GMDS: variants seen among roughly 807,000 people sequenced by gnomAD.
GMDS encodes the protein GDP-mannose 4,6 dehydratase.
GMDS carries 20 observed loss-of-function variants against 49.9 expected under a neutral mutation model. The ratio of observed to expected loss-of-function variants is 0.40; its 90% CI spans 0.28 to 0.58. The LOEUF (loss-of-function observed/expected upper bound fraction) is 0.58, where lower values mean the gene tolerates loss of function less well. GMDS is among the 20% of genes least tolerant of loss of function. GMDS has a pLI of 0.42. For missense variants in GMDS, 362 were observed against 481.4 expected (o/e 0.75, Z 2.32); for synonymous variants, 177 against 178.6 (o/e 0.99, Z 0.07).
At chr6:2,004,210 A>T (rs1767009985) in intron 4 of GMDS, among the ~76,000 whole-genome samples, 1 of 152,240 alleles carries the variant, frequency 6.6e-6, no homozygotes, top group Non-Finnish European at 1.5e-5. Context: ...ACAATTTGAA[A>T]GTACTTATTG....
intron 4 of GMDS, among the ~76,000 whole-genome samples, chr6:1,989,022 G>A (rs937073847): frequency 2.0e-5 from 3 of 152,230 alleles, no homozygotes; most frequent in Admixed American, 2.0e-4. Flanking sequence ...GCTGCAGGGG[G>A]CATGAGCCCA....
chr6:2,022,271 G>A (rs1768323272), intron 4 of GMDS, among the ~76,000 whole-genome samples: 1 of 152,136 alleles, frequency 6.6e-6, no homozygotes, highest in South Asian at 2.1e-4. Flanking sequence ...AGGGTAGGAA[G>A]GGCAAACCTT....
At chr6:1,753,219 A>G (rs1321765265) in intron 7 of GMDS, among the ~76,000 whole-genome samples, 2 of 151,834 alleles carry the variant, frequency 1.3e-5, no homozygotes, top group Non-Finnish European at 2.9e-5. Flanking sequence ...AGCAAAAAAG[A>G]AAAAAAAGCA....
intron 4 of GMDS, among the ~76,000 whole-genome samples, chr6:1,987,058 A>G (rs1247670582): frequency 6.6e-6 from 1 of 152,188 alleles, no homozygotes; most frequent in Non-Finnish European, 1.5e-5. Context: ...GTGATGAGTG[A>G]CATGGTAGTG....
At chr6:1,932,898 C>T (rs1403488311) in intron 6 of GMDS, among the ~76,000 whole-genome samples, 2 of 152,166 alleles carry the variant, frequency 1.3e-5, no homozygotes, top group South Asian at 2.1e-4. Context: ...ACATAGCATA[C>T]AATTCATTCA....
chr6:1,638,342 C>A (rs965665801), intron 9 of GMDS, among the ~76,000 whole-genome samples: 1 of 152,110 alleles, frequency 6.6e-6, no homozygotes, highest in Non-Finnish European at 1.5e-5. Flanking sequence ...CAGAGGGAAC[C>A]CTGGCTGAAG....
intron 4 of GMDS, among the ~76,000 whole-genome samples, chr6:2,101,963 C>G (rs1773950132): frequency 6.6e-6 from 1 of 152,068 alleles, no homozygotes; most frequent in Admixed American, 6.5e-5. Flanking sequence ...ACAGTGTGCG[C>G]TCTAGTTTAT....
At chr6:1,902,382 TG>T (rs1234365245) in intron 7 of GMDS, among the ~76,000 whole-genome samples, 8 of 152,318 alleles carry the variant, frequency 5.3e-5, no homozygotes, top group Admixed American at 4.6e-4. Context: ...CTAATGGAAA[TG>T]TAAATTTGTA....
intron 4 of GMDS, among the ~76,000 whole-genome samples, chr6:2,062,510 T>C (rs1371626857): frequency 1.3e-5 from 2 of 152,092 alleles, no homozygotes; most frequent in Admixed American, 6.5e-5. Flanking sequence ...GACAGATATA[T>C]TGTCACTCTG....
intron 8 of GMDS, among the ~76,000 whole-genome samples, chr6:1,728,080 C>T (rs976893383): frequency 2.6e-5 from 4 of 152,034 alleles, no homozygotes; most frequent in Non-Finnish European, 4.4e-5. Flanking sequence ...CACCGGGAAA[C>T]GGTAAGTGGA....
intron 1 of GMDS, chr6:2,176,071 TA>T (rs928009207): frequency 8.6e-6 from 10 of 1,167,980 alleles, no homozygotes; most frequent in East Asian, 2.6e-5. Flanking sequence ...TGACTACAGC[TA>T]AATGCACACT....
chr6:1,733,638 G>A (rs1766903820), intron 8 of GMDS, among the ~76,000 whole-genome samples: 1 of 152,212 alleles, frequency 6.6e-6, no homozygotes, highest in Non-Finnish European at 1.5e-5. Flanking sequence ...GCAACATGGT[G>A]AAACCATGTT....
At chr6:2,151,178 G>A (rs953873498) in intron 1 of GMDS, among the ~76,000 whole-genome samples, 1 of 151,892 alleles carries the variant, frequency 6.6e-6, no homozygotes, top group Non-Finnish European at 1.5e-5. Flanking sequence ...AGTATAATTG[G>A]GTTGTTTGTA....
At chr6:1,969,446 C>G (rs1764476121) in intron 4 of GMDS, among the ~76,000 whole-genome samples, 1 of 151,888 alleles carries the variant, frequency 6.6e-6, no homozygotes, top group South Asian at 2.1e-4. Context: ...TCAAACACAG[C>G]AGAAGAGAAG....
intron 4 of GMDS, among the ~76,000 whole-genome samples, chr6:2,100,558 A>C (rs1215282397): frequency 6.6e-6 from 1 of 152,080 alleles, no homozygotes; most frequent in Non-Finnish European, 1.5e-5. Flanking sequence ...ACTACAGATT[A>C]TTCCGTAAAA....
At chr6:2,000,911 C>A (rs114135431) in intron 4 of GMDS, among the ~76,000 whole-genome samples, 1 of 152,156 alleles carries the variant, frequency 6.6e-6, no homozygotes, top group Non-Finnish European at 1.5e-5. Context: ...GATGGACATT[C>A]GGATTGTTTC....
At chr6:1,890,986 A>G (rs928828692) in intron 7 of GMDS, among the ~76,000 whole-genome samples, 6 of 152,214 alleles carry the variant, frequency 3.9e-5, no homozygotes, top group Non-Finnish European at 5.9e-5. Context: ...TTGTCTGGGT[A>G]CCATTGTTGA....
chr6:2,089,607 G>C (rs956770255), intron 4 of GMDS, among the ~76,000 whole-genome samples: 5 of 152,142 alleles, frequency 3.3e-5, no homozygotes, highest in African/African-American at 1.2e-4. Flanking sequence ...TTGAGTGCCT[G>C]GTTATTTTTT....
At chr6:1,984,519 G>A (rs1765426246) in intron 4 of GMDS, among the ~76,000 whole-genome samples, 1 of 151,940 alleles carries the variant, frequency 6.6e-6, no homozygotes, top group Admixed American at 6.6e-5. Flanking sequence ...GAATATCCAG[G>A]CCAGTACACT....
Sources: gnomAD v4.1 joint callset for allele counts (sites outside exome capture counted in the v4.1 genomes callset) on GRCh38, gnomAD v4.1.1 for gene constraint, MANE v1.5 for transcripts, NCBI Gene and HGNC (gene_info 2026-07-23, HGNC 2026-07-21) for gene names.